The following MASP2 variants were observed in gnomAD, a reference collection of about 807,000 sequenced individuals.
MASP2 encodes mannan-binding lectin serine protease 2.
A neutral mutation model predicts 57.1 loss-of-function variants in MASP2; 49 were observed. The observed-to-expected ratio is 0.86, with a 90% confidence interval of 0.68 to 1.09. The LOEUF is 1.09. Among genes scored for constraint, MASP2 ranks in the 50% least tolerant of loss-of-function variants. MASP2 has a pLI of 0.00. For missense variants in MASP2, 900 were observed against 874.8 expected, an observed-to-expected ratio of 1.03 and a Z score of -0.36; for synonymous variants, 379 against 340.8, an observed-to-expected ratio of 1.11 and a Z score of -1.24.
chr1:11,031,039 C>T (rs1323158227), intron 8 of MASP2, among the ~76,000 whole-genome samples, 157 bp from the exon 9 acceptor site: 1 of 151,276 alleles, frequency 6.6e-6, no homozygotes, highest in Non-Finnish European at 1.5e-5. Context: ...CCCCTCTCTA[C>T]GAAAGGTTAA....
intron 4 of MASP2, chr1:11,044,850 G>A (rs915241631): frequency 2.6e-6 from 4 of 1,556,852 alleles, no homozygotes; most frequent in Non-Finnish European, 3.5e-6. Flanking sequence ...TGGGAGTTGG[G>A]GCACAGCCAT....
At chr1:11,042,573 G>GGAAGGATGAGGGGACA (rs1638493694) in intron 6 of MASP2, among the ~76,000 whole-genome samples, 1 of 151,246 alleles carries the variant, frequency 6.6e-6, no homozygotes, top group Non-Finnish European at 1.5e-5. Context: ...ATGAATGGTT[G>GGAAGGATGAGGGGACA]GAAGGATGAG....
intron 2 of MASP2, 66 bp from the exon 3 acceptor site, chr1:11,046,799 C>T: frequency 2.6e-6 from 4 of 1,560,562 alleles, no homozygotes; most frequent in East Asian, 2.3e-5. Context: ...CTGGCCAAGC[C>T]TGGCCCCTGC....
At position 11,027,040 on chromosome 1, in the gene MASP2, C is replaced by T. The variant is rs1382117312; in HGVS notation, c.1906G>A (p.Ala636Thr). 6.3e-6 allele frequency: 10 copies of T among 1,595,232 alleles called. No individual in the cohort carries two copies. In the African/African-American group the frequency reaches 1.1e-4, roughly 17 times the overall value. Residue 636 changes from alanine (A) to threonine (T), a missense_variant, in exon 11 of 11, where the codon GCA becomes ACA. Coordinates refer to ENST00000400897, the MANE Select transcript of MASP2 (RefSeq NM_006610.4). ...KDSCRGDSGG[A>T]LVFLDSETER... Reference sequence around the variant, plus strand: ...GTTTCACTATCTAGAAACACCAGTGCCCCTCCGCTGTCACCTCTGCAGCTG... The same window carrying T: ...GTTTCACTATCTAGAAACACCAGTGTCCCTCCGCTGTCACCTCTGCAGCTG...
intron 4 of MASP2, among the ~76,000 whole-genome samples, chr1:11,043,954 A>G (rs1030678674): frequency 6.6e-6 from 1 of 151,894 alleles, no homozygotes; most frequent in African/African-American, 2.4e-5. Flanking sequence ...AGGAGGAAGA[A>G]GGGACACTCT....
At position 11,026,621 on chromosome 1, in the gene MASP2, A is replaced by G. The variant is rs1570730748; in HGVS notation, c.*264T>C. On this transcript the variant is annotated 3_prime_UTR_variant, in exon 11 of 11. Coordinates refer to ENST00000400897, the MANE Select transcript of MASP2 (RefSeq NM_006610.4). The stretch of plus-strand genomic sequence containing the variant: ...GAGACTGGCTTTTTAAGGTAATGAA[A>G]TGTAATTTGAGCAGTGACATTACAC... 3.2e-6 allele frequency: 1 copy of G among 309,370 alleles called. No individual in the cohort carries two copies. The highest frequency in any genetic ancestry group is 5.2e-5 in the East Asian group (1 of 19,088). The allele number at this position is 309,370 out of a possible 1,614,324, so 19.2% of individuals were successfully genotyped here.
In MASP2 at chr1:11,044,259, G is replaced by A. The variant is rs148268817; in HGVS notation, c.545-724C>T. On this transcript the variant is annotated intron_variant, in intron 4 of 10. Transcript: ENST00000400897. ...ACTGAGTCTGGTGCTCTCCTTCCTC[G>A]CTGGAACAGCTGATGCTGCTGCCAC... Among the ~76,000 whole-genome samples, 1,393 of 152,162 alleles carry A rather than the reference G, an allele frequency of 9.2e-3. 30 individuals carry two copies. The highest frequency in any genetic ancestry group is 0.031 in the African/African-American group (1,286 of 41,486).
intron 10 of MASP2, among the ~76,000 whole-genome samples, chr1:11,028,550 C>T (rs576602861): frequency 2.0e-5 from 3 of 152,150 alleles, no homozygotes; most frequent in South Asian, 2.1e-4. Context: ...AAATTAAATA[C>T]GCCCATTAAT....
Position 11,045,452 on chromosome 1 carries a change from C to T in MASP2, c.500G>A (p.Cys167Tyr). 6.2e-7 allele frequency: 1 copy of T among 1,613,234 alleles called. No homozygotes were observed. The highest frequency in any genetic ancestry group is 8.5e-7 in the Non-Finnish European group (1 of 1,179,986). Reference protein sequence around the residue: ...HNHLGGFYCSCRAGYVLHRNK... With the variant: ...HNHLGGFYCSYRAGYVLHRNK... ...ACGGTGCAGGACGTAGCCTGCGCGG[C>T]AGGAGCAGTAGAAACCGCCCAGGTG... is the stretch of plus-strand genomic sequence containing the variant. Residue 167 changes from cysteine to tyrosine, a missense_variant, in exon 4 of 11, where the codon TGC becomes TAC. Physicochemically the swap from Cys to Tyr is radical, Grantham distance 194. Transcript: ENST00000400897.
chr1:11,027,080 TTC>T lies in MASP2; in HGVS notation c.1864_1865del (p.Glu622LysfsTer10). On this transcript the variant is annotated frameshift_variant, in exon 11 of 11. Coordinates refer to ENST00000400897, the MANE Select transcript of MASP2 (RefSeq NM_006610.4). LOFTEE classifies it high-confidence loss of function. ...CTCTGCAGCTGTCCTTGCCCCCACT[TTC>T]TAAGCCAGCACAAAGCATGTTAGCA... ...VTANMLCAGL[E>X]SGGKDSCRGD... 6.3e-7 allele frequency: 1 copy of T among 1,597,708 alleles called. No individual in the cohort carries two copies. The highest frequency in any genetic ancestry group is 1.7e-5 in the Admixed American group (1 of 58,348).
Position 11,041,498 on chromosome 1 carries a change from GGATA to G in MASP2, c.889+1373_889+1376del, listed in dbSNP as rs998026300. ...CAGCTGGAAGGATGGGTGGATGGGT[GGATA>G]GATAGAAGGATGTGTAGATAGACAA... On this transcript the variant is annotated intron_variant, in intron 6 of 10. Coordinates refer to ENST00000400897, the MANE Select transcript of MASP2 (RefSeq NM_006610.4). 5.4e-5 allele frequency among the ~76,000 whole-genome samples: 8 copies of G among 147,536 alleles called. No homozygotes were observed. The South Asian group carries it at 6.6e-4, about 12-fold the overall frequency.
At chr1:11,041,600 T>A (rs1429431557) in intron 6 of MASP2, among the ~76,000 whole-genome samples, 6 of 87,018 alleles carry the variant, frequency 6.9e-5, no homozygotes, top group Admixed American at 6.0e-4. Context: ...GGATGGATGG[T>A]GGATGGATGG....
In MASP2 at chr1:11,029,921, T is replaced by TA. The variant is rs1188598987; in HGVS notation, c.1297+254dup. The TA allele has an allele frequency of 1.6e-5, 5 of 312,562 alleles. No homozygotes were observed. The East Asian group carries it at 2.6e-4, about 16-fold the overall frequency. The allele number at this position is 312,562 out of a possible 1,614,324, so 19.4% of individuals were successfully genotyped here. On this transcript the variant is annotated intron_variant, in intron 10 of 10. Transcript: ENST00000400897. ...TTACAGGCGTGAGCCACACCTGGCC[T>TA]AAAAATCATTTAATTTTTTATGCTT...
chr1:11,033,364 G>A (rs1040443836), intron 8 of MASP2, among the ~76,000 whole-genome samples: 1 of 151,874 alleles, frequency 6.6e-6, no homozygotes, highest in Non-Finnish European at 1.5e-5. Flanking sequence ...ATATTGTCAG[G>A]CTGGGCGCTG....
At position 11,027,295 on chromosome 1, in the gene MASP2, T is replaced by A; in HGVS notation, c.1651A>T (p.Ile551Phe). ...KVVINSNITP[I>F]CLPRKEAESF... ...TCAGCTTCTTTTCTTGGCAGACAAA[T>A]AGGCGTGATGTTGCTATTGATTACA... Residue 551 changes from isoleucine to phenylalanine, a missense_variant, in exon 11 of 11, where the codon ATT becomes TTT. Transcript: ENST00000400897. 6.2e-7 allele frequency: 1 copy of A among 1,613,966 alleles called. No individual in the cohort carries two copies. Among genetic ancestry groups the A allele is most frequent in the Non-Finnish European group, 8.5e-7 (1 of 1,179,888 alleles).
intron 4 of MASP2, among the ~76,000 whole-genome samples, chr1:11,044,258 C>T (rs972972288): frequency 2.0e-5 from 3 of 152,054 alleles, no homozygotes; most frequent in Non-Finnish European, 2.9e-5. Context: ...TCTCCTTCCT[C>T]GCTGGAACAG....
At chr1:11,035,574 AT>A (rs774964755) in intron 7 of MASP2, among the ~76,000 whole-genome samples, 6 of 150,980 alleles carry the variant, frequency 4.0e-5, no homozygotes, top group Non-Finnish European at 5.9e-5. Context: ...ACATTTCTGC[AT>A]CTGATGTTCC....
intron 6 of MASP2, among the ~76,000 whole-genome samples, chr1:11,041,263 GGAAGGATGGATGGGTGAGTAGATGGATA>G (rs1638422407): frequency 6.6e-6 from 1 of 151,472 alleles, no homozygotes; most frequent in Non-Finnish European, 1.5e-5. Context: ...ATGAGTGGAT[GGAAGGATGGATGGGTGAGTAGATGGATA>G]GAAGGATGGA....
At position 11,034,864 on chromosome 1, in the gene MASP2, C is replaced by T; in HGVS notation, c.1051G>A (p.Asp351Asn). ...LKSFTAVCQK[D>N]GSWDRPMPAC... ...GGCATTGGCCGGTCCCAAGATCCAT[C>T]TTTCTGACAAACTGCAGTAAAGGAT... The change falls in exon 8 of 11, where the codon GAT (aspartate) becomes AAT (asparagine). Residue 351 changes from aspartate to asparagine, a missense_variant. Asp to Asn is a conservative substitution (Grantham distance 23). Transcript: ENST00000400897. 1 of 1,613,382 alleles carries T rather than the reference C, an allele frequency of 6.2e-7. No individual in the cohort carries two copies. The highest frequency in any genetic ancestry group is 8.5e-7 in the Non-Finnish European group (1 of 1,179,742).
Sources: gnomAD v4.1 joint callset for allele counts (sites outside exome capture counted in the v4.1 genomes callset) on GRCh38, gnomAD v4.1.1 for gene constraint, MANE v1.5 for transcripts, NCBI Gene and HGNC (gene_info 2026-07-23, HGNC 2026-07-21) for gene names.